Variants in HYDIN observed in about 807,000 individuals in gnomAD.
HYDIN encodes axonemal central pair apparatus protein HYDIN.
Under a neutral mutation model 403.9 loss-of-function variants are expected in HYDIN, and 132 were observed. The ratio of observed to expected loss-of-function variants is 0.33; its 90% CI spans 0.28 to 0.38. The LOEUF is 0.38. Ranked by LOEUF, HYDIN falls within the 10% of genes least tolerant of loss-of-function variation. The probability of loss-of-function intolerance (pLI) is 1.00; values close to 1 mark genes in which losing one functional copy is unlikely to be tolerated. For missense variants in HYDIN, 2,827 were observed against 5,009.5 expected (o/e 0.56, Z 13.15); for synonymous variants, 1,202 against 1,891.7 (o/e 0.64, Z 9.46).
chr16:71,010,139 A>ATTTT, intron 23 of HYDIN, among the ~76,000 whole-genome samples: 1 of 141,576 alleles, frequency 7.1e-6, no homozygotes, highest in Non-Finnish European at 1.5e-5. Context: ...GGGGGCAGAA[A>ATTTT]ATAGGCTGTG....
chr16:71,054,103 CG>C (rs2081773636), intron 18 of HYDIN, among the ~76,000 whole-genome samples: 1 of 152,230 alleles, frequency 6.6e-6, no homozygotes, highest in African/African-American at 2.4e-5. Context: ...GAACACAGCA[CG>C]TGCTAGGCAT....
intron 76 of HYDIN, 44 bp downstream of exon 76, chr16:70,840,020 C>G (rs1381069653): frequency 9.7e-6 from 6 of 619,492 alleles, no homozygotes; most frequent in Non-Finnish European, 1.4e-5. Context: ...GTAGGACCCA[C>G]AAGCAGCTAG....
At chr16:70,829,944 T>C in intron 80 of HYDIN, 114 bp from the exon 81 acceptor site, 2 of 850,944 alleles carry the variant, frequency 2.4e-6, no homozygotes, top group Non-Finnish European at 3.8e-6. Flanking sequence ...CTTCCCATCA[T>C]GAGTTTCAGT....
chr16:71,056,340 T>A (rs2081892671), intron 18 of HYDIN, among the ~76,000 whole-genome samples: 1 of 152,110 alleles, frequency 6.6e-6, no homozygotes, highest in Non-Finnish European at 1.5e-5. Flanking sequence ...TTTAATAGAA[T>A]ATAAAAAATA....
intron 42 of HYDIN, among the ~76,000 whole-genome samples, chr16:70,942,400 C>A (rs1185125326): frequency 6.6e-6 from 1 of 151,784 alleles, no homozygotes. Context: ...GTTAAAGGGC[C>A]GATCTGGGAA....
At chr16:71,136,459 C>T (rs1026402941) in intron 8 of HYDIN, among the ~76,000 whole-genome samples, 6 of 151,862 alleles carry the variant, frequency 4.0e-5, no homozygotes, top group South Asian at 2.1e-4. Context: ...TTTTTAGGAA[C>T]GCTTTATAAA....
intron 18 of HYDIN, among the ~76,000 whole-genome samples, chr16:71,042,296 A>C (rs2081308566): frequency 6.6e-6 from 1 of 152,226 alleles, no homozygotes; most frequent in African/African-American, 2.4e-5. Flanking sequence ...CTTACCTGTC[A>C]ACACAGTCCA....
intron 21 of HYDIN, among the ~76,000 whole-genome samples, chr16:71,023,022 G>T (rs971456487): frequency 6.6e-6 from 1 of 151,866 alleles, no homozygotes; most frequent in African/African-American, 2.4e-5. Context: ...ATTACGTCTT[G>T]CCCAGAATAG....
intron 1 of HYDIN, among the ~76,000 whole-genome samples, chr16:71,228,275 C>T (rs1329062805): frequency 1.3e-5 from 2 of 151,976 alleles, no homozygotes; most frequent in South Asian, 4.1e-4. Context: ...TCTAAAACAC[C>T]AAAAGCAATG....
chr16:71,069,801 C>T (rs920679947), intron 13 of HYDIN, among the ~76,000 whole-genome samples: 1 of 152,200 alleles, frequency 6.6e-6, no homozygotes, highest in Non-Finnish European at 1.5e-5. Context: ...GCCACTCAGG[C>T]CCTTCCGGGG....
At position 71,129,645 on chromosome 16, in the gene HYDIN, G is replaced by T. The variant is rs372939352; in HGVS notation, c.1222C>A (p.Pro408Thr). Residue 408 changes from proline to threonine, a missense_variant, in exon 9 of 86, where the codon CCC becomes ACC. Coordinates refer to ENST00000393567, the MANE Select transcript of HYDIN (RefSeq NM_001270974.2). ...LFFNNVFTVE[P>T]LEGDVWPNSS... is the part of the protein sequence containing the mutation. The stretch of plus-strand genomic sequence containing the variant: ...GCTTTTATTTATATGCTCACCAGGG[G>T]CTCCACAGTGAAAACGTTATTGAAG... 6.2e-7 allele frequency: 1 copy of T among 1,613,300 alleles called. No individual in the cohort carries two copies. Among genetic ancestry groups the T allele is most frequent in the Admixed American group, 1.7e-5 (1 of 59,922 alleles).
At chr16:70,932,352 C>G (rs2143850527) in intron 45 of HYDIN, among the ~76,000 whole-genome samples, 1 of 152,180 alleles carries the variant, frequency 6.6e-6, no homozygotes, top group South Asian at 2.1e-4. Flanking sequence ...AAGATTCTGT[C>G]TCAAAAAATA....
chr16:70,937,668 T>TC, intron 44 of HYDIN, among the ~76,000 whole-genome samples: 1 of 53,820 alleles, frequency 1.9e-5, no homozygotes, highest in East Asian at 3.6e-4. Flanking sequence ...AGAGTCTGTC[T>TC]CAAAAAAAAA....
chr16:71,140,667 C>CT, intron 7 of HYDIN, among the ~76,000 whole-genome samples: 1 of 119,028 alleles, frequency 8.4e-6, no homozygotes, highest in Middle Eastern at 4.0e-3. Context: ...ATTGACCTGT[C>CT]TTCAGGTTCA....
intron 1 of HYDIN, among the ~76,000 whole-genome samples, chr16:71,225,196 T>C (rs1266899590): frequency 6.6e-6 from 1 of 152,042 alleles, no homozygotes; most frequent in Non-Finnish European, 1.5e-5. Context: ...TCCCCACTAC[T>C]TTCTTTCTGT....
intron 15 of HYDIN, chr16:71,067,028 G>A: frequency 1.5e-6 from 1 of 657,458 alleles, no homozygotes; most frequent in Non-Finnish European, 2.7e-6. Context: ...ACCCGTTAGA[G>A]AGGGTCTGAC....
chr16:71,202,175 A>AATGT (rs2088053417), intron 1 of HYDIN, among the ~76,000 whole-genome samples: 1 of 152,140 alleles, frequency 6.6e-6, no homozygotes, highest in African/African-American at 2.4e-5. Context: ...ACACATGACG[A>AATGT]ATGTTCATTT....
chr16:71,224,312 G>T (rs2144767829), intron 1 of HYDIN, among the ~76,000 whole-genome samples: 1 of 152,240 alleles, frequency 6.6e-6, no homozygotes, highest in East Asian at 1.9e-4. Context: ...TAGGGTAAGG[G>T]ATAAAAGACT....
chr16:70,950,923 C>T (rs140942764), intron 41 of HYDIN, among the ~76,000 whole-genome samples: 2,250 of 152,268 alleles, frequency 0.015, 22 homozygotes, highest in Non-Finnish European at 0.022. Context: ...GAATGGGAGC[C>T]GCCAGGTCCA....
Sources: allele counts gnomAD v4.1 joint callset (sites outside exome capture counted in the v4.1 genomes callset), GRCh38; gene constraint gnomAD v4.1.1; transcripts MANE v1.5; gene names NCBI Gene and HGNC (gene_info 2026-07-23, HGNC 2026-07-21).